The following TUSC3 variants were observed in gnomAD, a reference collection of about 807,000 sequenced individuals.
TUSC3 encodes tumor suppressor candidate 3.
TUSC3 carries 45 observed loss-of-function variants against 44.8 expected under a neutral mutation model. The ratio of observed to expected loss-of-function variants is 1.00; its 90% CI spans 0.79 to 1.29. The LOEUF is 1.29. TUSC3 is among the 50% of genes most tolerant of loss of function. The pLI, the probability that TUSC3 is intolerant of heterozygous loss-of-function variation, is 0.00. For synonymous variants in TUSC3, 212 were observed against 152.9 expected (o/e 1.39, Z -2.85); for missense variants, 519 against 437.9 (o/e 1.19, Z -1.65).
At chr8:15,448,336 C>G (rs1220902752) in intron 1 of TUSC3, among the ~76,000 whole-genome samples, 1 of 151,824 alleles carries the variant, frequency 6.6e-6, no homozygotes, top group African/African-American at 2.4e-5. Flanking sequence ...CAAGGCTGGT[C>G]TCAAACTCCC....
chr8:15,483,981 GCCC>G (rs1182418459), intron 2 of TUSC3, among the ~76,000 whole-genome samples: 1 of 151,980 alleles, frequency 6.6e-6, no homozygotes, highest in Non-Finnish European at 1.5e-5. Context: ...ATGTTGACTG[GCCC>G]TCTCTATAAA....
intron 7 of TUSC3, among the ~76,000 whole-genome samples, chr8:15,735,870 G>GTT (rs747513015): frequency 4.2e-4 from 17 of 40,232 alleles, no homozygotes; most frequent in African/African-American, 9.0e-4. Context: ...CGGCTAATGG[G>GTT]TTTTTTTTTT....
chr8:15,669,814 C>A (rs1292306135), intron 5 of TUSC3, among the ~76,000 whole-genome samples: 2 of 151,522 alleles, frequency 1.3e-5, no homozygotes, highest in African/African-American at 4.8e-5. Context: ...TTTACTGGGA[C>A]CCTGAGCATT....
At chr8:15,441,278 G>A (rs28648734) in intron 1 of TUSC3, among the ~76,000 whole-genome samples, 24,608 of 152,006 alleles carry the variant, frequency 0.16, 2,074 homozygotes, top group Middle Eastern at 0.22. Flanking sequence ...ATGGTGGCAC[G>A]TGGCTGTAAT....
At position 15,730,671 on chromosome 8, in the gene TUSC3, C is replaced by G; in HGVS notation, c.804C>G (p.Tyr268Ter). 1 of 1,612,960 alleles carries G rather than the reference C, an allele frequency of 6.2e-7. No homozygotes were observed. Among genetic ancestry groups the G allele is most frequent in the Non-Finnish European group, 8.5e-7 (1 of 1,179,334 alleles). The change falls in exon 7 of 11, where the codon TAC (tyrosine) becomes TAG (stop). Residue 268 changes from tyrosine to a stop codon, truncating the protein, a stop_gained. Transcript: ENST00000503731. LOFTEE classifies it high-confidence loss of function. ...CTGTTTGTCTTCTTTTATAGAGCTACATTCATGGGAGCAGCCAGGCTCAGT... is the reference window on the plus strand; with the variant it reads ...CTGTTTGTCTTCTTTTATAGAGCTAGATTCATGGGAGCAGCCAGGCTCAGT... ...HKNPHNGQVS[Y>*]IHGSSQAQFV...
chr8:15,659,250 C>A (rs1214762797), intron 3 of TUSC3, among the ~76,000 whole-genome samples: 2 of 152,098 alleles, frequency 1.3e-5, no homozygotes, highest in East Asian at 1.9e-4. Context: ...AAATGACTTA[C>A]AAAATATACA....
chr8:15,472,004 A>G (rs779777520), intron 1 of TUSC3, among the ~76,000 whole-genome samples: 3 of 151,540 alleles, frequency 2.0e-5, no homozygotes, highest in Non-Finnish European at 4.4e-5. Flanking sequence ...AAGAAAAAAA[A>G]TGATTAAAAT....
At chr8:15,775,647 T>C in the TUSC3 span, among the ~76,000 whole-genome samples, 2 of 113,220 alleles carry the variant, frequency 1.8e-5, no homozygotes, top group Non-Finnish European at 3.7e-5. Context: ...TATATATATA[T>C]ATACACACAC....
intron 3 of TUSC3, among the ~76,000 whole-genome samples, chr8:15,651,244 GGTA>G (rs1806891163): frequency 6.6e-6 from 1 of 151,960 alleles, no homozygotes; most frequent in Non-Finnish European, 1.5e-5. Flanking sequence ...AATTATAGGT[GGTA>G]GTGTATTATA....
intron 2 of TUSC3, among the ~76,000 whole-genome samples, chr8:15,495,653 C>A (rs2129126321): frequency 6.6e-6 from 1 of 152,152 alleles, no homozygotes; most frequent in African/African-American, 2.4e-5. Flanking sequence ...CTTTGGGGGG[C>A]AGTATGGGAG....
At chr8:15,512,851 T>C (rs1303559608) in intron 2 of TUSC3, among the ~76,000 whole-genome samples, 2 of 129,876 alleles carry the variant, frequency 1.5e-5, no homozygotes, top group African/African-American at 6.8e-5. Flanking sequence ...TATTTGTGTG[T>C]GTGTGTATAT....
intron 1 of TUSC3, among the ~76,000 whole-genome samples, chr8:15,419,367 G>A (rs1799695927): frequency 6.6e-6 from 1 of 152,190 alleles, no homozygotes; most frequent in African/African-American, 2.4e-5. Context: ...TGTCTAGAAA[G>A]ACATTTGAGT....
intron 2 of TUSC3, among the ~76,000 whole-genome samples, chr8:15,505,972 A>T (rs1801046206): frequency 6.6e-6 from 1 of 152,148 alleles, no homozygotes; most frequent in Non-Finnish European, 1.5e-5. Context: ...AATTTTTAAA[A>T]ATCTATTTTA....
chr8:15,584,784 A>G (rs563547221), intron 1 of TUSC3, among the ~76,000 whole-genome samples: 12 of 152,260 alleles, frequency 7.9e-5, no homozygotes, highest in African/African-American at 2.6e-4. Context: ...CTGAAAGTAT[A>G]GTGAGTTTAG....
At chr8:15,604,375 C>T (rs1465952534) in intron 1 of TUSC3, among the ~76,000 whole-genome samples, 1 of 151,612 alleles carries the variant, frequency 6.6e-6, no homozygotes, top group Non-Finnish European at 1.5e-5. Context: ...AAATAGATTG[C>T]AAACTAACAG....
At chr8:15,632,130 A>T (rs1463779312) in intron 2 of TUSC3, among the ~76,000 whole-genome samples, 4 of 152,098 alleles carry the variant, frequency 2.6e-5, no homozygotes, top group Admixed American at 2.6e-4. Context: ...AATGTCTTTT[A>T]TTTCACTCCC....
intron 7 of TUSC3, among the ~76,000 whole-genome samples, chr8:15,740,984 T>A (rs1423343137): frequency 4.6e-5 from 7 of 152,194 alleles, no homozygotes; most frequent in Admixed American, 2.0e-4. Flanking sequence ...ATGAGAAACA[T>A]GTTACTCATA....
intron 6 of TUSC3, among the ~76,000 whole-genome samples, chr8:15,726,761 A>G (rs1399759235): frequency 6.6e-6 from 1 of 152,202 alleles, no homozygotes; most frequent in African/African-American, 2.4e-5. Context: ...AGCCGAGATC[A>G]TGCCACTGCA....
chr8:15,754,704 A>AATT (rs1376112143), intron 9 of TUSC3, among the ~76,000 whole-genome samples: 1 of 152,062 alleles, frequency 6.6e-6, no homozygotes, highest in Non-Finnish European at 1.5e-5. Flanking sequence ...CATTTTTGTG[A>AATT]ATTATAAACT....
Sources: allele counts gnomAD v4.1 joint callset (sites outside exome capture counted in the v4.1 genomes callset), GRCh38; gene constraint gnomAD v4.1.1; transcripts MANE v1.5; gene names NCBI Gene and HGNC (gene_info 2026-07-23, HGNC 2026-07-21).